The following PHKA1 variants were observed in gnomAD, a reference collection of about 807,000 sequenced individuals.
PHKA1 encodes phosphorylase b kinase regulatory subunit alpha, skeletal muscle isoform.
A neutral mutation model predicts 110.2 loss-of-function variants in PHKA1; 60 were observed. That is an observed-to-expected ratio of 0.54 (90% CI 0.44 to 0.68). The LOEUF (loss-of-function observed/expected upper bound fraction) is 0.68, where lower values mean the gene tolerates loss of function less well. PHKA1 is among the 30% of genes least tolerant of loss of function. The pLI is 0.00. For missense variants in PHKA1, 801 were observed against 942.5 expected (o/e 0.85, Z 1.97); for synonymous variants, 316 against 333.6 (o/e 0.95, Z 0.58).
chrX:72,650,480 C>A lies in PHKA1; in HGVS notation c.1246-12G>T. The stretch of plus-strand genomic sequence containing the variant: ...GGGGCTAAAAATCCCTAAAGAAAAA[C>A]CATAAAAAGACAGATTATTAAGTCT... On this transcript the variant is annotated splice_polypyrimidine_tract_variant and intron_variant, in intron 12 of 31. Coordinates refer to ENST00000373542, the MANE Select transcript of PHKA1 (RefSeq NM_002637.4). The A allele has an allele frequency of 8.5e-7, 1 of 1,171,803 alleles. No homozygotes were observed. The highest frequency in any genetic ancestry group is 3.0e-5 in the East Asian group (1 of 33,660).
In PHKA1 at chrX:72,644,554, CA is replaced by C. The variant is rs2053337655; in HGVS notation, c.1325-59del. ...AAATTTTATTTCAATAGCAACTTAA[CA>C]ATCTCTCAAGTTATATAATTTCTTT... On this transcript the variant is annotated intron_variant, in intron 13 of 31. Coordinates refer to ENST00000373542, the MANE Select transcript of PHKA1 (RefSeq NM_002637.4). 8.8e-6 allele frequency: 9 copies of C among 1,018,971 alleles called. No individual in the cohort carries two copies. In the Admixed American group the frequency reaches 1.1e-4, roughly 13 times the overall value. The allele number at this position is 1,018,971 out of a possible 1,213,427, so 84.0% of individuals were successfully genotyped here. A position where few individuals can be genotyped will look rare whatever the true frequency, so the allele number is the denominator to read the frequency against.
intron 28 of PHKA1, among the ~76,000 whole-genome samples, chrX:72,595,723 G>A (rs1395193305): frequency 4.5e-5 from 5 of 111,378 alleles, no homozygotes; most frequent in East Asian, 2.8e-4. Context: ...ATGGAAATGC[G>A]GATCAAACCA....
chrX:72,676,237 G>T, intron 5 of PHKA1, 87 bp from the exon 6 acceptor site: 1 of 613,458 alleles, frequency 1.6e-6, no homozygotes, highest in Non-Finnish European at 2.7e-6. Flanking sequence ...TTGAATAAAA[G>T]ACACTAGGAG....
At chrX:72,668,333 A>C (rs2053638402) in intron 6 of PHKA1, among the ~76,000 whole-genome samples, 1 of 112,095 alleles carries the variant, frequency 8.9e-6, no homozygotes, top group Non-Finnish European at 1.9e-5. Flanking sequence ...CTGAAGTAGA[A>C]TCATTGGGTA....
intron 8 of PHKA1, chrX:72,660,797 A>G (rs1195622870): frequency 4.4e-6 from 1 of 225,711 alleles, no homozygotes; most frequent in Non-Finnish European, 8.4e-6. Context: ...TTTTTTAAAT[A>G]CAATACTGAC....
intron 13 of PHKA1, among the ~76,000 whole-genome samples, chrX:72,647,623 A>G: frequency 9.0e-6 from 1 of 111,275 alleles, no homozygotes; most frequent in East Asian, 2.8e-4. Flanking sequence ...GCTGGGGGTG[A>G]AGTGGAGGAG....
intron 5 of PHKA1, among the ~76,000 whole-genome samples, chrX:72,681,708 C>T (rs1460731551): frequency 1.2e-4 from 9 of 75,102 alleles, no homozygotes; most frequent in East Asian, 6.1e-4. Flanking sequence ...CCGCCCCGTC[C>T]GGGAGGGAGG....
At chrX:72,582,063 T>TG (rs2052344551) in intron 31 of PHKA1, among the ~76,000 whole-genome samples, 1 of 112,357 alleles carries the variant, frequency 8.9e-6, no homozygotes, top group Non-Finnish European at 1.9e-5. Context: ...AGTTTCTTAT[T>TG]AAGTCCTTAA....
At chrX:72,666,070 G>C in intron 8 of PHKA1, 81 bp downstream of exon 8, 1 of 931,418 alleles carries the variant, frequency 1.1e-6, no homozygotes, top group Non-Finnish European at 1.5e-6. Flanking sequence ...CACAGACACA[G>C]GTCATACTTA....
chrX:72,662,857 T>C (rs1322157936), intron 8 of PHKA1, among the ~76,000 whole-genome samples: 2 of 110,341 alleles, frequency 1.8e-5, no homozygotes, highest in East Asian at 5.7e-4. Context: ...CCAAAGCCAG[T>C]GTATCCTACC....
At chrX:72,651,354 T>C (rs1208617402) in intron 12 of PHKA1, among the ~76,000 whole-genome samples, 1 of 110,523 alleles carries the variant, frequency 9.0e-6, no homozygotes, top group Non-Finnish European at 1.9e-5. Flanking sequence ...CTGACCAACA[T>C]GGAGAAACCC....
At chrX:72,676,656 C>T (rs1556311926) in intron 5 of PHKA1, among the ~76,000 whole-genome samples, 1 of 111,971 alleles carries the variant, frequency 8.9e-6, no homozygotes, top group Non-Finnish European at 1.9e-5. Flanking sequence ...AAGTGACTCA[C>T]TCAAAGTCAC....
At chrX:72,640,189 A>G (rs1488791878) in intron 14 of PHKA1, among the ~76,000 whole-genome samples, 1 of 112,042 alleles carries the variant, frequency 8.9e-6, no homozygotes, top group Non-Finnish European at 1.9e-5. Flanking sequence ...ATAAAATATA[A>G]AACTTCTATA....
At chrX:72,601,132 G>A (rs1162335889) in intron 28 of PHKA1, among the ~76,000 whole-genome samples, 1 of 111,495 alleles carries the variant, frequency 9.0e-6, no homozygotes, top group Non-Finnish European at 1.9e-5. Context: ...CTCACCTGCA[G>A]GAAAAATTAA....
intron 6 of PHKA1, among the ~76,000 whole-genome samples, chrX:72,669,151 G>C (rs1333900141): frequency 9.0e-6 from 1 of 111,391 alleles, no homozygotes; most frequent in Non-Finnish European, 1.9e-5. Context: ...TCTGGTATCT[G>C]AAGCTTTCTC....
intron 28 of PHKA1, among the ~76,000 whole-genome samples, chrX:72,600,182 A>G (rs1035128093): frequency 9.0e-6 from 1 of 111,065 alleles, no homozygotes. Context: ...TAGAAATAAG[A>G]AAGTAATGCA....
intron 2 of PHKA1, among the ~76,000 whole-genome samples, chrX:72,707,100 A>G (rs782793444): frequency 1.3e-4 from 15 of 111,336 alleles, no homozygotes; most frequent in Non-Finnish European, 1.9e-5. Flanking sequence ...ATTCTTTTTG[A>G]CGACATAAAT....
chrX:72,581,303 T>C (rs1189032778), intron 31 of PHKA1, 128 bp from the exon 32 acceptor site: 1 of 497,756 alleles, frequency 2.0e-6, no homozygotes, highest in Non-Finnish European at 3.6e-6. Flanking sequence ...CTAGACTGTT[T>C]ATCCAGGAAG....
intron 8 of PHKA1, among the ~76,000 whole-genome samples, chrX:72,661,743 C>CAAAAAAAAAAAAA (rs782779792): frequency 3.0e-5 from 1 of 33,110 alleles, no homozygotes; most frequent in Non-Finnish European, 6.3e-5. Context: ...AATGTACTGA[C>CAAAAAAAAAAAAA]AAAAAAAAAA....
Sources: gnomAD v4.1 joint callset for allele counts (sites outside exome capture counted in the v4.1 genomes callset) on GRCh38, gnomAD v4.1.1 for gene constraint, MANE v1.5 for transcripts, NCBI Gene and HGNC (gene_info 2026-07-23, HGNC 2026-07-21) for gene names.